The following PAPPA variants were observed in gnomAD, a reference collection of about 807,000 sequenced individuals.
The protein encoded by PAPPA is pappalysin-1.
Under a neutral mutation model 164.0 loss-of-function variants are expected in PAPPA, and 60 were observed. That is an observed-to-expected ratio of 0.37 (90% confidence interval 0.30 to 0.45). The LOEUF is 0.45. PAPPA is among the 20% of genes least tolerant of loss of function. The probability of loss-of-function intolerance (pLI) is 1.00; values close to 1 mark genes in which losing one functional copy is unlikely to be tolerated. For missense variants in PAPPA, 1,782 were observed against 2,087.3 expected (o/e 0.85, Z 2.85); for synonymous variants, 875 against 814.1 (o/e 1.07, Z -1.27).
intron 9 of PAPPA, among the ~76,000 whole-genome samples, chr9:116,276,836 C>A (rs1845204790): frequency 6.6e-6 from 1 of 152,164 alleles, no homozygotes; most frequent in Admixed American, 6.5e-5. Context: ...CCAGCCCCAG[C>A]TCCCTCCCCT....
At chr9:116,377,671 T>G in intron 20 of PAPPA, 24 bp downstream of exon 20, 1 of 1,550,350 alleles carries the variant, frequency 6.5e-7, no homozygotes. Flanking sequence ...AAGGCACTCC[T>G]CAGTTCCCTG....
intron 9 of PAPPA, among the ~76,000 whole-genome samples, chr9:116,287,760 A>C (rs916087818): frequency 6.6e-6 from 1 of 152,160 alleles, no homozygotes; most frequent in Non-Finnish European, 1.5e-5. Context: ...GTTGGTGCCT[A>C]TCCAGGGTCC....
At chr9:116,237,917 G>A (rs1392109457) in intron 7 of PAPPA, among the ~76,000 whole-genome samples, 5 of 151,822 alleles carry the variant, frequency 3.3e-5, no homozygotes, top group African/African-American at 7.3e-5. Context: ...ACGGGGTTTT[G>A]CCAGGTTGGC....
intron 9 of PAPPA, among the ~76,000 whole-genome samples, chr9:116,272,157 A>G (rs962096320): frequency 6.6e-6 from 1 of 152,182 alleles, no homozygotes; most frequent in African/African-American, 2.4e-5. Flanking sequence ...TGGTAAACAG[A>G]CAGGGGTTGG....
intron 9 of PAPPA, among the ~76,000 whole-genome samples, chr9:116,293,346 AT>A (rs1845460219): frequency 6.6e-6 from 1 of 152,108 alleles, no homozygotes; most frequent in Non-Finnish European, 1.5e-5. Flanking sequence ...TATTTTGCTG[AT>A]TTGGGAGACT....
At chr9:116,338,729 C>T (rs889764581) in intron 13 of PAPPA, among the ~76,000 whole-genome samples, 1 of 152,220 alleles carries the variant, frequency 6.6e-6, no homozygotes, top group Admixed American at 6.5e-5. Flanking sequence ...ATGTGTGTGT[C>T]TTTGACTATG....
chr9:116,171,237 C>T (rs1843772476), intron 1 of PAPPA, among the ~76,000 whole-genome samples: 1 of 152,134 alleles, frequency 6.6e-6, no homozygotes, highest in South Asian at 2.1e-4. Context: ...CCACAGCCTC[C>T]CAAAGCCCTT....
intron 9 of PAPPA, among the ~76,000 whole-genome samples, chr9:116,276,872 G>A (rs1174644978): frequency 6.6e-6 from 1 of 152,176 alleles, no homozygotes; most frequent in Non-Finnish European, 1.5e-5. Flanking sequence ...TCGAGGAGAG[G>A]AGAAGAATCG....
At chr9:116,155,396 C>G (rs909508803) in intron 1 of PAPPA, among the ~76,000 whole-genome samples, 1 of 152,236 alleles carries the variant, frequency 6.6e-6, no homozygotes, top group Non-Finnish European at 1.5e-5. Context: ...GATTGCAAAC[C>G]TTAGAAATGC....
intron 2 of PAPPA, among the ~76,000 whole-genome samples, chr9:116,206,180 A>C (rs1844232937): frequency 6.6e-6 from 1 of 152,176 alleles, no homozygotes; most frequent in African/African-American, 2.4e-5. Flanking sequence ...TTGTGTGGCT[A>C]TTCTTGGAAT....
chr9:116,361,018 GAGC>G lies in PAPPA; in HGVS notation c.4348-1571_4348-1569del, dbSNP rs757366060. On this transcript the variant is annotated intron_variant, in intron 17 of 21. Transcript: ENST00000328252. ...GGTAGGAAACAATAGCAGACAGAAGGAGCAGTGAGCATGAAAGCACAACATACG... is the reference window on the plus strand; with the variant it reads ...GGTAGGAAACAATAGCAGACAGAAGGAGTGAGCATGAAAGCACAACATACG... Among the ~76,000 whole-genome samples, 19 of 152,308 alleles carry G rather than the reference GAGC, an allele frequency of 1.2e-4. No individual in the cohort carries two copies. In the East Asian group the frequency reaches 3.5e-3, roughly 28 times the overall value.
chr9:116,350,321 A>G (rs935973203), intron 15 of PAPPA, among the ~76,000 whole-genome samples: 1 of 152,194 alleles, frequency 6.6e-6, no homozygotes, highest in South Asian at 2.1e-4. Flanking sequence ...TCAAAGCCAC[A>G]TTGTAGATGC....
At chr9:116,277,176 A>C (rs1182793323) in intron 9 of PAPPA, among the ~76,000 whole-genome samples, 1 of 152,148 alleles carries the variant, frequency 6.6e-6, no homozygotes, top group African/African-American at 2.4e-5. Context: ...TCTCACCTTA[A>C]AAAAATTAAA....
At chr9:116,364,527 A>T (rs1018430473) in intron 18 of PAPPA, among the ~76,000 whole-genome samples, 4 of 152,176 alleles carry the variant, frequency 2.6e-5, no homozygotes, top group Non-Finnish European at 5.9e-5. Flanking sequence ...ACACATACAC[A>T]CACAGGTAGC....
intron 9 of PAPPA, among the ~76,000 whole-genome samples, chr9:116,275,656 CTCT>C (rs1239435146): frequency 6.6e-6 from 1 of 151,694 alleles, no homozygotes; most frequent in Non-Finnish European, 1.5e-5. Context: ...TCTCCTCCTC[CTCT>C]TCTTCCTTCA....
At position 116,158,510 on chromosome 9, in the gene PAPPA, C is replaced by T. The variant is rs570502626; in HGVS notation, c.415+3923C>T. Among the ~76,000 whole-genome samples, 4 of 152,296 alleles carry T rather than the reference C, an allele frequency of 2.6e-5. No homozygotes were observed. In the South Asian group the frequency reaches 6.2e-4, roughly 24 times the overall value. On this transcript the variant is annotated intron_variant, in intron 1 of 21. Transcript: ENST00000328252. Reference sequence around the variant, plus strand: ...GTTGACTTCTCTGGACTTCATTCACCTTCCTCATGTACAGAGTGATGATGG... The same window carrying T: ...GTTGACTTCTCTGGACTTCATTCACTTTCCTCATGTACAGAGTGATGATGG...
intron 1 of PAPPA, among the ~76,000 whole-genome samples, chr9:116,166,838 C>T (rs1490743573): frequency 2.6e-5 from 4 of 151,996 alleles, no homozygotes; most frequent in Non-Finnish European, 5.9e-5. Context: ...CTTGGAACAC[C>T]GCAATTACTC....
intron 1 of PAPPA, among the ~76,000 whole-genome samples, chr9:116,167,883 T>C (rs1212476782): frequency 6.6e-6 from 1 of 152,202 alleles, no homozygotes; most frequent in Non-Finnish European, 1.5e-5. Context: ...CCTTATCAAA[T>C]CTGCTCAGTT....
chr9:116,263,700 A>T (rs1224891799), intron 7 of PAPPA, among the ~76,000 whole-genome samples: 1 of 152,158 alleles, frequency 6.6e-6, no homozygotes, highest in Non-Finnish European at 1.5e-5. Context: ...CCGGCCCATG[A>T]CTTCCTGGCT....
Sources: gnomAD v4.1 joint callset for allele counts (sites outside exome capture counted in the v4.1 genomes callset) on GRCh38, gnomAD v4.1.1 for gene constraint, MANE v1.5 for transcripts, NCBI Gene and HGNC (gene_info 2026-07-23, HGNC 2026-07-21) for gene names.